The following TJP1 variants were observed in gnomAD, a reference collection of about 807,000 sequenced individuals.
TJP1 encodes tight junction protein ZO-1.
Under a neutral mutation model 194.2 loss-of-function variants are expected in TJP1, and 43 were observed. The ratio of observed to expected loss-of-function variants is 0.22; its 90% CI spans 0.17 to 0.29. The LOEUF (loss-of-function observed/expected upper bound fraction) is 0.29. TJP1 is among the 10% of genes least tolerant of loss of function. The pLI is 1.00. For synonymous variants in TJP1, 801 were observed against 779.0 expected, an observed-to-expected ratio of 1.03 and a Z score of -0.47; for missense variants, 1,971 against 2,185.7, an observed-to-expected ratio of 0.90 and a Z score of 1.96.
chr15:29,814,761 T>C (rs1367086143), intron 1 of TJP1, among the ~76,000 whole-genome samples: 1 of 152,220 alleles, frequency 6.6e-6, no homozygotes, highest in Non-Finnish European at 1.5e-5. Flanking sequence ...TTTCCGGACA[T>C]GATAAACTAG....
chr15:29,852,305 A>G (rs1273229505), intron 2 of TJP1, among the ~76,000 whole-genome samples: 1 of 152,226 alleles, frequency 6.6e-6, no homozygotes, highest in Non-Finnish European at 1.5e-5. Flanking sequence ...AAAATGAACA[A>G]AAGACAGACA....
chr15:29,830,678 C>T (rs1253069305), intron 2 of TJP1, among the ~76,000 whole-genome samples: 3 of 151,594 alleles, frequency 2.0e-5, no homozygotes, highest in Admixed American at 1.3e-4. Flanking sequence ...AAAAACTCAG[C>T]ATTAATTTTT....
At chr15:29,810,305 C>T (rs1183647186) in intron 1 of TJP1, among the ~76,000 whole-genome samples, 1 of 152,176 alleles carries the variant, frequency 6.6e-6, no homozygotes, top group Non-Finnish European at 1.5e-5. Context: ...ATATTCCCCA[C>T]ATCCACTTTT....
At chr15:29,794,996 T>C (rs2151840666) in intron 2 of TJP1, among the ~76,000 whole-genome samples, 1 of 152,042 alleles carries the variant, frequency 6.6e-6, no homozygotes, top group South Asian at 2.1e-4. Context: ...AAGACACAAA[T>C]TACCAATATA....
chr15:29,964,543 C>T (rs538864236), intron 1 of TJP1, among the ~76,000 whole-genome samples: 11 of 152,280 alleles, frequency 7.2e-5, no homozygotes, highest in African/African-American at 1.9e-4. Context: ...TCCTCCCCTA[C>T]AGCATTTGAG....
chr15:29,953,368 C>T (rs1178676599), intron 2 of TJP1, among the ~76,000 whole-genome samples: 3 of 152,044 alleles, frequency 2.0e-5, no homozygotes, highest in South Asian at 4.1e-4. Flanking sequence ...TCTCAAACTC[C>T]TGACCTCAGG....
chr15:29,710,115 T>TAG (rs1357497503), intron 24 of TJP1, among the ~76,000 whole-genome samples: 1 of 151,412 alleles, frequency 6.6e-6, no homozygotes, highest in African/African-American at 2.4e-5. Flanking sequence ...CACTGCACTG[T>TAG]AGCCTGGGCG....
In TJP1 at chr15:29,800,701, C is replaced by G. The variant is rs778814817; in HGVS notation, c.29G>C (p.Ser10Thr). 6.2e-7 allele frequency: 1 copy of G among 1,613,494 alleles called. No homozygotes were observed. The highest frequency in any genetic ancestry group is 1.1e-5 in the South Asian group (1 of 91,014). The change falls in exon 2 of 28, where the codon AGC becomes ACC. Residue 10 changes from serine to threonine, a missense_variant and splice_region_variant. Physicochemically the swap from Ser to Thr is moderately conservative, Grantham distance 58. Coordinates refer to ENST00000614355, the MANE Select transcript of TJP1 (RefSeq NM_001330239.4). MSARAAAAK[S>T]TAMEETAIWE... ...TATAGCTGTTTCCTCCATTGCTGTG[C>G]TCTGATAAAGGAAAAGAAAAACAAA...
At chr15:29,876,098 T>C (rs2052688509) in intron 2 of TJP1, among the ~76,000 whole-genome samples, 2 of 152,240 alleles carry the variant, frequency 1.3e-5, no homozygotes, top group South Asian at 4.1e-4. Flanking sequence ...GTAGCAATGA[T>C]ACTGAACAGT....
intron 2 of TJP1, among the ~76,000 whole-genome samples, chr15:29,861,068 C>G (rs1402761810): frequency 1.3e-5 from 2 of 152,180 alleles, no homozygotes; most frequent in Non-Finnish European, 2.9e-5. Flanking sequence ...TGCAATATCT[C>G]AGGTATGCCT....
At chr15:29,873,076 C>T (rs1157707623) in intron 2 of TJP1, among the ~76,000 whole-genome samples, 1 of 152,152 alleles carries the variant, frequency 6.6e-6, no homozygotes, top group Non-Finnish European at 1.5e-5. Context: ...TGGGATTTCA[C>T]AGATGAAAAC....
At chr15:29,877,966 C>T (rs987664596) in intron 2 of TJP1, among the ~76,000 whole-genome samples, 1 of 152,050 alleles carries the variant, frequency 6.6e-6, no homozygotes, top group Non-Finnish European at 1.5e-5. Context: ...CCCGCCCGGC[C>T]GATTATTTCA....
intron 2 of TJP1, among the ~76,000 whole-genome samples, chr15:29,837,069 G>T (rs2051059285): frequency 6.6e-6 from 1 of 152,122 alleles, no homozygotes; most frequent in African/African-American, 2.4e-5. Flanking sequence ...AATTACACAT[G>T]TGTTACTGCT....
At chr15:29,727,559 C>T (rs2043317211) in intron 16 of TJP1, among the ~76,000 whole-genome samples, 1 of 152,122 alleles carries the variant, frequency 6.6e-6, no homozygotes, top group African/African-American at 2.4e-5. Context: ...AGACTTAGCC[C>T]TAACACCGCA....
At chr15:29,904,499 T>G (rs1169765276) in intron 2 of TJP1, among the ~76,000 whole-genome samples, 3 of 151,442 alleles carry the variant, frequency 2.0e-5, no homozygotes, top group Admixed American at 2.0e-4. Flanking sequence ...ATTGTTCCAG[T>G]AGTCAAGATA....
intron 8 of TJP1, among the ~76,000 whole-genome samples, chr15:29,748,174 A>G (rs1490395693): frequency 6.6e-6 from 1 of 152,340 alleles, no homozygotes; most frequent in Admixed American, 6.5e-5. Flanking sequence ...TCAATTTATA[A>G]ATTTTATTAC....
intron 1 of TJP1, among the ~76,000 whole-genome samples, chr15:29,812,956 A>T (rs1246060372): frequency 2.6e-5 from 4 of 152,144 alleles, no homozygotes; most frequent in African/African-American, 9.7e-5. Context: ...TTCTGTATTA[A>T]CACTCCAGTA....
At chr15:29,783,664 C>G (rs543704757) in intron 2 of TJP1, among the ~76,000 whole-genome samples, 1 of 152,176 alleles carries the variant, frequency 6.6e-6, no homozygotes, top group Non-Finnish European at 1.5e-5. Flanking sequence ...TGCAAGAACA[C>G]GGGTGGAATG....
chr15:29,844,596 A>C (rs772225200), intron 2 of TJP1, among the ~76,000 whole-genome samples: 49 of 152,120 alleles, frequency 3.2e-4, no homozygotes, highest in Non-Finnish European at 6.3e-4. Context: ...GAAAGCGGGG[A>C]GTCAAGATTT....
Sources: gnomAD v4.1 joint callset for allele counts (sites outside exome capture counted in the v4.1 genomes callset) on GRCh38, gnomAD v4.1.1 for gene constraint, MANE v1.5 for transcripts, NCBI Gene and HGNC (gene_info 2026-07-23, HGNC 2026-07-21) for gene names.